MAP3K5: variants seen among roughly 807,000 people sequenced by gnomAD.
The protein encoded by MAP3K5 is mitogen-activated protein kinase kinase kinase 5.
A neutral mutation model predicts 158.7 loss-of-function variants in MAP3K5; 56 were observed. That is an observed-to-expected ratio of 0.35 (90% confidence interval 0.28 to 0.44). The LOEUF (loss-of-function observed/expected upper bound fraction) is 0.44. Ranked by LOEUF, MAP3K5 falls within the 20% of genes least tolerant of loss-of-function variation. The pLI is 1.00. For synonymous variants in MAP3K5, 579 were observed against 601.7 expected, an observed-to-expected ratio of 0.96 and a Z score of 0.55; for missense variants, 1,294 against 1,674.8, an observed-to-expected ratio of 0.77 and a Z score of 3.97.
intron 3 of MAP3K5, among the ~76,000 whole-genome samples, chr6:136,704,793 G>A (rs1156366620): frequency 6.6e-6 from 1 of 152,112 alleles, no homozygotes; most frequent in Non-Finnish European, 1.5e-5. Flanking sequence ...TGATCTGCCT[G>A]CCTCTGCCTC....
At chr6:136,776,483 G>A (rs150332726) in intron 1 of MAP3K5, among the ~76,000 whole-genome samples, 218 of 152,222 alleles carry the variant, frequency 1.4e-3, no homozygotes, top group Non-Finnish European at 2.7e-3. Context: ...GTGCTCAAGC[G>A]ATCCACCAGC....
intron 25 of MAP3K5, among the ~76,000 whole-genome samples, chr6:136,570,940 C>T (rs1044473834): frequency 3.3e-5 from 5 of 152,160 alleles, no homozygotes; most frequent in African/African-American, 1.2e-4. Context: ...CCAGTGAAAC[C>T]TGACCTTCAA....
intron 1 of MAP3K5, among the ~76,000 whole-genome samples, chr6:136,723,184 G>A (rs577671056): frequency 1.6e-4 from 24 of 151,848 alleles, no homozygotes; most frequent in South Asian, 4.2e-4. Context: ...GTTTATATAC[G>A]TGTGTATGTG....
chr6:136,611,491 C>A, intron 17 of MAP3K5, 104 bp from the exon 18 acceptor site: 1 of 606,046 alleles, frequency 1.7e-6, no homozygotes, highest in South Asian at 2.3e-5. Context: ...GTCCTTACAG[C>A]TACCAACGAC....
intron 4 of MAP3K5, 86 bp from the exon 5 acceptor site, chr6:136,697,473 T>C (rs992614987): frequency 3.3e-5 from 35 of 1,073,816 alleles, no homozygotes; most frequent in Non-Finnish European, 4.6e-5. Flanking sequence ...ACATGAATGA[T>C]ATTGCAGCAT....
intron 14 of MAP3K5, among the ~76,000 whole-genome samples, chr6:136,634,758 G>T (rs957988953): frequency 4.0e-5 from 6 of 151,294 alleles, no homozygotes; most frequent in African/African-American, 1.5e-4. Flanking sequence ...GTAGAGACAG[G>T]GTTTCACCAT....
At position 136,598,024 on chromosome 6, in the gene MAP3K5, A is replaced by C. The variant is rs559682375; in HGVS notation, c.2878+2998T>G. Among the ~76,000 whole-genome samples, 5 of 152,302 alleles carry C rather than the reference A, an allele frequency of 3.3e-5. No individual in the cohort carries two copies. In the South Asian group the frequency reaches 8.3e-4, roughly 25 times the overall value. On this transcript the variant is annotated intron_variant, in intron 21 of 29. Coordinates refer to ENST00000359015, the MANE Select transcript of MAP3K5 (RefSeq NM_005923.4). ...ATCATAGGTCCAGTGCTGGTCTATA[A>C]TATTATTTCAGATAAAAATTTTCCC...
intron 21 of MAP3K5, chr6:136,593,798 T>C (rs1287256673): frequency 2.6e-6 from 1 of 389,834 alleles, no homozygotes; most frequent in Non-Finnish European, 4.9e-6. Context: ...AGCATTTTAA[T>C]AAAGAATGAA....
chr6:136,667,064 AG>A (rs766903125), intron 8 of MAP3K5, among the ~76,000 whole-genome samples: 4 of 152,338 alleles, frequency 2.6e-5, no homozygotes, highest in Non-Finnish European at 5.9e-5. Context: ...AATGAGATTT[AG>A]AATAAGTACA....
chr6:136,632,449 G>A (rs1051154818), intron 14 of MAP3K5, among the ~76,000 whole-genome samples: 16 of 152,094 alleles, frequency 1.1e-4, no homozygotes, highest in African/African-American at 2.7e-4. Context: ...CCTAGGAGGC[G>A]GAGGTTGCAG....
chr6:136,617,574 G>T (rs1361890398), intron 15 of MAP3K5, among the ~76,000 whole-genome samples: 2 of 152,128 alleles, frequency 1.3e-5, no homozygotes, highest in East Asian at 3.8e-4. Flanking sequence ...TAGAGCTTGA[G>T]CATCAGTATT....
intron 20 of MAP3K5, among the ~76,000 whole-genome samples, chr6:136,601,332 C>CT (rs1402921389): frequency 6.6e-6 from 1 of 151,526 alleles, no homozygotes; most frequent in African/African-American, 2.4e-5. Context: ...TCCTTCTTGC[C>CT]TTTTTTTGGG....
chr6:136,646,750 C>G (rs1048394445), intron 11 of MAP3K5, among the ~76,000 whole-genome samples: 10 of 152,234 alleles, frequency 6.6e-5, no homozygotes, highest in African/African-American at 2.4e-4. Flanking sequence ...CTTGTGAGAA[C>G]ATGTATGTGT....
chr6:136,614,223 G>C lies in MAP3K5; in HGVS notation c.2214C>G (p.Val738=), dbSNP rs1776464935. The C allele has an allele frequency of 6.2e-7, 1 of 1,613,534 alleles. No individual in the cohort carries two copies. Among genetic ancestry groups the C allele is most frequent in the African/African-American group, 1.3e-5 (1 of 74,894 alleles). The change falls in exon 16 of 30, where the codon GTC becomes GTG. Residue 738 remains valine, a synonymous_variant. Coordinates refer to ENST00000359015, the MANE Select transcript of MAP3K5 (RefSeq NM_005923.4). ...LHKHLKHKNI[V]QYLGSFSENG... ...TCTCACTGAAAGAGCCCAGATACTG[G>C]ACAATATTTTTGTGCTTCAGGTGTT... is the stretch of plus-strand genomic sequence containing the variant.
At chr6:136,640,073 C>A (rs1038658238) in intron 12 of MAP3K5, among the ~76,000 whole-genome samples, 8 of 152,192 alleles carry the variant, frequency 5.3e-5, no homozygotes, top group Non-Finnish European at 1.2e-4. Context: ...GTAAAAGCAC[C>A]TCATTCATTA....
intron 17 of MAP3K5, among the ~76,000 whole-genome samples, chr6:136,612,808 A>G (rs1183599073): frequency 6.6e-6 from 1 of 152,176 alleles, no homozygotes; most frequent in African/African-American, 2.4e-5. Context: ...GCTCCTCAGG[A>G]CCAGGGGCCA....
In MAP3K5 at chr6:136,615,945, C is replaced by T. The variant is rs376613178; in HGVS notation, c.2151-1659G>A. Among the ~76,000 whole-genome samples the T allele has an allele frequency of 2.0e-4, 31 of 152,248 alleles. 2 individuals carry two copies. Among genetic ancestry groups the T allele is most frequent in the East Asian group, 9.6e-4 (5 of 5,188 alleles). On this transcript the variant is annotated intron_variant, in intron 15 of 29. Coordinates refer to ENST00000359015, the MANE Select transcript of MAP3K5 (RefSeq NM_005923.4). ...TTAGCTAAAGCAATTAGTTTATAAA[C>T]ATTTAAATTCATTTAATTTAAATTA...
chr6:136,680,764 A>G (rs1779898740), intron 7 of MAP3K5, among the ~76,000 whole-genome samples: 1 of 152,228 alleles, frequency 6.6e-6, no homozygotes, highest in African/African-American at 2.4e-5. Flanking sequence ...AAGGGTGAAT[A>G]GTTTTCATAT....
rs201811715 is a variant in MAP3K5, at chr6:136,604,433, A to AT, written c.2679+775dup. Reference sequence around the variant, plus strand: ...CAAAAAATAAATAAATAAATAAATAATTTTTTTTTAAGTCCTCTGCCTTAG... The same window carrying AT: ...CAAAAAATAAATAAATAAATAAATAATTTTTTTTTTAAGTCCTCTGCCTTAG... On this transcript the variant is annotated intron_variant, in intron 19 of 29. Transcript: ENST00000359015. Among the ~76,000 whole-genome samples, 736 of 151,790 alleles carry AT rather than the reference A, an allele frequency of 4.8e-3. 5 individuals are homozygous for AT. The highest frequency in any genetic ancestry group is 0.017 in the African/African-American group (700 of 41,446).
Sources: gnomAD v4.1 joint callset for allele counts (sites outside exome capture counted in the v4.1 genomes callset) on GRCh38, gnomAD v4.1.1 for gene constraint, MANE v1.5 for transcripts, NCBI Gene and HGNC (gene_info 2026-07-23, HGNC 2026-07-21) for gene names.